Variants in DNAH9 observed in about 807,000 individuals in gnomAD.
The protein encoded by DNAH9 is dynein axonemal heavy chain 9.
In DNAH9, 345 loss-of-function variants were observed where a neutral mutation model predicts 471.6. The observed-to-expected ratio is 0.73, with a 90% CI of 0.67 to 0.80. DNAH9 has a LOEUF of 0.80. DNAH9 is among the 30% of genes least tolerant of loss of function. The pLI, the probability that DNAH9 is intolerant of heterozygous loss-of-function variation, is 0.00. For synonymous variants in DNAH9, 2,093 were observed against 2,123.6 expected (o/e 0.99, Z 0.40); for missense variants, 5,407 against 5,609.2 (o/e 0.96, Z 1.15).
chr17:11,926,485 C>G (rs2151031760), intron 62 of DNAH9, among the ~76,000 whole-genome samples: 1 of 152,302 alleles, frequency 6.6e-6, no homozygotes, highest in South Asian at 2.1e-4. Context: ...TCAGCTCCCA[C>G]TTATAAGTGA....
chr17:11,871,778 C>T lies in DNAH9; in HGVS notation c.10234C>T (p.Gln3412Ter). 1 of 1,613,996 alleles carries T rather than the reference C, an allele frequency of 6.2e-7. No homozygotes were observed. Among genetic ancestry groups the T allele is most frequent in the African/African-American group, 1.3e-5 (1 of 75,036 alleles). Residue 3412 changes from glutamine to a stop codon, truncating the protein, a stop_gained, in exon 52 of 69, where the codon CAG becomes TAG. Coordinates refer to ENST00000262442, the MANE Select transcript of DNAH9 (RefSeq NM_001372.4). LOFTEE classifies it high-confidence loss of function. ...CAGAACTTGGAGGCCCTACCTGAGCCAGCTGAAAGTACGTATGGCCTGAAT... is the reference window on the plus strand; with the variant it reads ...CAGAACTTGGAGGCCCTACCTGAGCTAGCTGAAAGTACGTATGGCCTGAAT... Reference protein sequence around the residue: ...LDRTWRPYLSQLKTPIPVTPA... With the variant: ...LDRTWRPYLS
At chr17:11,657,853 T>TA (rs547781696) in intron 14 of DNAH9, among the ~76,000 whole-genome samples, 1 of 151,932 alleles carries the variant, frequency 6.6e-6, no homozygotes, top group South Asian at 2.1e-4. Flanking sequence ...AAAATATTAA[T>TA]AAAAAATATA....
intron 45 of DNAH9, among the ~76,000 whole-genome samples, chr17:11,811,211 G>C (rs1044881804): frequency 2.0e-5 from 3 of 152,140 alleles, no homozygotes; most frequent in African/African-American, 7.2e-5. Context: ...TACTTGGGAG[G>C]CTGAGGCAGG....
rs1301992407 is a variant in DNAH9, at chr17:11,727,822, G to A, written c.5714G>A (p.Cys1905Tyr). 6.2e-7 allele frequency: 1 copy of A among 1,611,980 alleles called. No individual in the cohort carries two copies. The highest frequency in any genetic ancestry group is 8.5e-7 in the Non-Finnish European group (1 of 1,177,984). ...NCSEQMDYKS[C>Y]GNIYKGLAQT... ...TCTTTGTGCATTTTCTTGCAGTCTT[G>A]TGGCAACATCTACAAAGGCCTTGCT... Residue 1905 changes from cysteine to tyrosine, a missense_variant, in exon 28 of 69, where the codon TGT becomes TAT. Around this residue, in one of 3 missense-constraint regions of DNAH9, gnomAD observed 4,636 missense variants for 4,900.3 expected, o/e 0.95. Coordinates refer to ENST00000262442, the MANE Select transcript of DNAH9 (RefSeq NM_001372.4).
chr17:11,824,986 T>G (rs1397760149), intron 48 of DNAH9, among the ~76,000 whole-genome samples: 1 of 152,134 alleles, frequency 6.6e-6, no homozygotes, highest in African/African-American at 2.4e-5. Flanking sequence ...TAGACCTTTT[T>G]TTTTCTTTAT....
chr17:11,861,223 G>C (rs1318551275), intron 50 of DNAH9, among the ~76,000 whole-genome samples: 1 of 151,176 alleles, frequency 6.6e-6, no homozygotes, highest in African/African-American at 2.4e-5. Flanking sequence ...TCCCCTTCCT[G>C]TGTCCATGTG....
chr17:11,678,724 A>G (rs2074087229), intron 17 of DNAH9, among the ~76,000 whole-genome samples: 1 of 151,748 alleles, frequency 6.6e-6, no homozygotes, highest in African/African-American at 2.4e-5. Flanking sequence ...GGGTTCCTTT[A>G]TATTTATTCT....
chr17:11,874,314 C>A (rs907957352), intron 52 of DNAH9, among the ~76,000 whole-genome samples: 10 of 151,258 alleles, frequency 6.6e-5, no homozygotes, highest in African/African-American at 2.2e-4. Context: ...GTCTAGGGCA[C>A]ACACAGGAGC....
At position 11,805,523 on chromosome 17, in the gene DNAH9, C is replaced by CTT. The variant is rs773842478; in HGVS notation, c.8421-2168_8421-2167dup. ...TATTTGGCCAAACTTTACCCGAGTT[C>CTT]TTTTTTTTTTTTTTTTTTTTTTTTT... On this transcript the variant is annotated intron_variant, in intron 43 of 68. Coordinates refer to ENST00000262442, the MANE Select transcript of DNAH9 (RefSeq NM_001372.4). Among the ~76,000 whole-genome samples, 189 of 52,088 alleles carry CTT rather than the reference C, an allele frequency of 3.6e-3. 44 individuals are homozygous for CTT. The highest frequency in any genetic ancestry group is 4.8e-3 in the Non-Finnish European group (140 of 29,336). 34.2% of individuals were successfully genotyped at this position (52,088 alleles called of 152,430 possible). A position where few individuals can be genotyped will look rare whatever the true frequency, so the allele number is the denominator to read the frequency against.
intron 12 of DNAH9, among the ~76,000 whole-genome samples, chr17:11,648,624 G>T (rs1430938734): frequency 6.6e-6 from 1 of 151,996 alleles, no homozygotes. Context: ...GCCTTAATGT[G>T]TAACACATAG....
chr17:11,798,016 C>T (rs1969310007), intron 43 of DNAH9, among the ~76,000 whole-genome samples: 1 of 152,120 alleles, frequency 6.6e-6, no homozygotes, highest in Non-Finnish European at 1.5e-5. Flanking sequence ...ATTTCCAGGT[C>T]CGCCATTTGC....
chr17:11,719,586 G>A lies in DNAH9; in HGVS notation c.5709+96G>A. On this transcript the variant is annotated intron_variant, in intron 27 of 68. Transcript: ENST00000262442. ...GACGCATCCGTGCCACCCTGACCCAGCTTCCCCAGGTCTCGGAGCCCAGAT... is the reference window on the plus strand; with the variant it reads ...GACGCATCCGTGCCACCCTGACCCAACTTCCCCAGGTCTCGGAGCCCAGAT... 8 of 1,180,962 alleles carry A rather than the reference G, an allele frequency of 6.8e-6. No homozygotes were observed. The South Asian group carries it at 9.3e-5, about 14-fold the overall frequency. 73.2% of individuals were successfully genotyped at this position (1,180,962 alleles called of 1,614,324 possible).
At chr17:11,924,012 C>G (rs1974229866) in intron 62 of DNAH9, 71 bp downstream of exon 62, 1 of 1,567,144 alleles carries the variant, frequency 6.4e-7, no homozygotes, top group African/African-American at 1.4e-5. Context: ...CTGGGCATCT[C>G]CATCCACTCT....
intron 27 of DNAH9, among the ~76,000 whole-genome samples, chr17:11,723,676 CT>C (rs908664510): frequency 1.3e-5 from 2 of 149,388 alleles, no homozygotes; most frequent in African/African-American, 4.9e-5. Context: ...TTTTTTTTTT[CT>C]TTTTTTTTGA....
chr17:11,766,432 G>A (rs571942756), intron 36 of DNAH9, among the ~76,000 whole-genome samples: 7 of 152,222 alleles, frequency 4.6e-5, no homozygotes, highest in African/African-American at 7.2e-5. Context: ...CAATTCTGTC[G>A]TTTCATAAAA....
At chr17:11,737,835 T>G (rs2075371100) in intron 28 of DNAH9, among the ~76,000 whole-genome samples, 1 of 152,206 alleles carries the variant, frequency 6.6e-6, no homozygotes. Context: ...GGTCACCTGT[T>G]CTGGAGGTAT....
chr17:11,834,542 G>T lies in DNAH9; in HGVS notation c.9247-96G>T, dbSNP rs545068000. ...TCATCTATTCTGCTCCACAGAGTTG[G>T]GTCCTCAGGTCATGCCCAACAGGCC... On this transcript the variant is annotated intron_variant, in intron 48 of 68. Transcript: ENST00000262442. 4 of 1,442,274 alleles carry T rather than the reference G, an allele frequency of 2.8e-6. No homozygotes were observed. In the East Asian group the frequency reaches 9.2e-5, roughly 33 times the overall value. The allele number at this position is 1,442,274 out of a possible 1,614,324, so 89.3% of individuals were successfully genotyped here.
chr17:11,730,131 T>G (rs918260983), intron 28 of DNAH9, among the ~76,000 whole-genome samples: 9 of 152,220 alleles, frequency 5.9e-5, no homozygotes, highest in Non-Finnish European at 2.9e-5. Flanking sequence ...TCCCTTTTTT[T>G]GGGTTTGTTC....
chr17:11,860,646 C>A (rs1319021067), intron 50 of DNAH9, among the ~76,000 whole-genome samples: 1 of 152,144 alleles, frequency 6.6e-6, no homozygotes, highest in Non-Finnish European at 1.5e-5. Context: ...ACTGCAACCT[C>A]TGCCTCCCGG....
Sources: allele counts gnomAD v4.1 joint callset (sites outside exome capture counted in the v4.1 genomes callset), GRCh38; gene constraint gnomAD v4.1.1; regional missense constraint gnomAD v4.1.1; transcripts MANE v1.5; gene names NCBI Gene and HGNC (gene_info 2026-07-23, HGNC 2026-07-21).